LDB3: variants seen among roughly 807,000 people sequenced by gnomAD.
LDB3 encodes LIM domain-binding protein 3.
In LDB3, 49 loss-of-function variants were observed where a neutral mutation model predicts 69.0. The ratio of observed to expected loss-of-function variants is 0.71; its 90% CI spans 0.56 to 0.90. The LOEUF is 0.90. Among genes scored for constraint, LDB3 ranks in the 40% least tolerant of loss-of-function variants. The pLI, the probability that LDB3 is intolerant of heterozygous loss-of-function variation, is 0.00. For synonymous variants in LDB3, 387 were observed against 396.2 expected (o/e 0.98, Z 0.28); for missense variants, 928 against 974.1 (o/e 0.95, Z 0.63).
chr10:86,679,910 T>C (rs1380536367), intron 3 of LDB3, among the ~76,000 whole-genome samples, 172 bp from the exon 4 acceptor site: 1 of 152,192 alleles, frequency 6.6e-6, no homozygotes, highest in East Asian at 1.9e-4. Flanking sequence ...CAGGGCCTTC[T>C]TGGGGAGATC....
At chr10:86,704,130 A>G (rs1171878229) in intron 7 of LDB3, among the ~76,000 whole-genome samples, 2 of 151,554 alleles carry the variant, frequency 1.3e-5, no homozygotes, top group African/African-American at 2.4e-5. Flanking sequence ...AAAAAGAGAA[A>G]AAAAAAAAAA....
At chr10:86,685,503 G>A (rs986850778) in intron 5 of LDB3, among the ~76,000 whole-genome samples, 2 of 152,210 alleles carry the variant, frequency 1.3e-5, no homozygotes, top group African/African-American at 2.4e-5. Flanking sequence ...GGTCCCAGTA[G>A]CTGTGATTCC....
At chr10:86,720,109 C>CA (rs1284527936) in intron 12 of LDB3, among the ~76,000 whole-genome samples, 2 of 152,142 alleles carry the variant, frequency 1.3e-5, no homozygotes, top group East Asian at 3.8e-4. Flanking sequence ...AGGGAAAAAG[C>CA]AAAACAAAAT....
Position 86,716,483 on chromosome 10 carries a change from C to A in LDB3, c.1388C>A (p.Pro463His), listed in dbSNP as rs962833066. Residue 463 changes from proline to histidine, a missense_variant, in exon 10 of 14, where the codon CCC becomes CAC. By Grantham distance (77) the Pro-to-His change is moderately conservative. Coordinates refer to ENST00000361373, the MANE Select transcript of LDB3 (RefSeq NM_007078.3). ...CCATCCCCAGCACCAGCCTATACCC[C>A]CTCACCTGCCCCCAACTATAACCCT... Reference protein sequence around the residue: ...YTPSPAPAYTPSPAPNYNPAP... With the variant: ...YTPSPAPAYTHSPAPNYNPAP... 2.5e-6 allele frequency: 4 copies of A among 1,610,948 alleles called. No individual in the cohort carries two copies. In the African/African-American group the frequency reaches 5.4e-5, roughly 22 times the overall value.
rs1399321223 is a variant in LDB3 at position 86,716,751 on chromosome 10, T to C, written c.1656T>C (p.Gly552=). The C allele has an allele frequency of 1.9e-6, 3 of 1,611,480 alleles. No individual in the cohort carries two copies. Among genetic ancestry groups the C allele is most frequent in the Non-Finnish European group, 2.5e-6 (3 of 1,179,218 alleles). Residue 552 remains glycine (G), a synonymous_variant, in exon 10 of 14, where the codon GGT becomes GGC. Transcript: ENST00000361373. The stretch of plus-strand genomic sequence containing the variant: ...CCAGCAGCCGGACTCCACTCTGCGG[T>C]CACTGCAACAATGTCATCCGGTATG... The part of the protein sequence containing the change: ...FPASSRTPLC[G]HCNNVIRGPF...
chr10:86,672,346 GC>G (rs1316998476), intron 2 of LDB3, among the ~76,000 whole-genome samples: 1 of 152,194 alleles, frequency 6.6e-6, no homozygotes, highest in African/African-American at 2.4e-5. Context: ...CAGCTCAGAG[GC>G]CTCTTCTCTG....
At chr10:86,676,564 CAAA>C (rs71487272) in intron 2 of LDB3, among the ~76,000 whole-genome samples, 7,940 of 109,614 alleles carry the variant, frequency 0.072, 752 homozygotes, top group African/African-American at 0.23. Context: ...GACCCTGTCT[CAAA>C]AAAAAAAAAA....
At chr10:86,684,284 T>G (rs1845333097) in intron 5 of LDB3, among the ~76,000 whole-genome samples, 1 of 152,220 alleles carries the variant, frequency 6.6e-6, no homozygotes, top group African/African-American at 2.4e-5. Flanking sequence ...CACTGGCTCC[T>G]CTCAGATGTG....
At chr10:86,704,852 G>C (rs1350493030) in intron 7 of LDB3, among the ~76,000 whole-genome samples, 1 of 152,110 alleles carries the variant, frequency 6.6e-6, no homozygotes, top group Non-Finnish European at 1.5e-5. Flanking sequence ...AAAATGCTGG[G>C]ATTACAGGCG....
chr10:86,723,268 T>TA (rs56259917), intron 12 of LDB3, among the ~76,000 whole-genome samples: 5,876 of 49,090 alleles, frequency 0.12, 724 homozygotes, highest in Non-Finnish European at 0.15. Flanking sequence ...AGACTCAATC[T>TA]AAAAAAAAAA....
At chr10:86,704,577 A>ATT (rs59411676) in intron 7 of LDB3, among the ~76,000 whole-genome samples, 2,023 of 111,524 alleles carry the variant, frequency 0.018, 102 homozygotes, top group African/African-American at 0.059. Flanking sequence ...GCCCAGCTAA[A>ATT]TTTTTTTTTT....
intron 13 of LDB3, 70 bp downstream of exon 13, chr10:86,726,322 C>A: frequency 8.5e-7 from 1 of 1,176,490 alleles, no homozygotes; most frequent in Non-Finnish European, 1.3e-6. Flanking sequence ...GCCAGATGAC[C>A]AACCTCTACA....
At position 86,681,556 on chromosome 10, in the gene LDB3, C is replaced by T. The variant is rs536186237; in HGVS notation, c.442C>T (p.Arg148Trp). The T allele has an allele frequency of 4.1e-5, 66 of 1,612,984 alleles. 1 individual carries two copies. Among genetic ancestry groups the T allele is most frequent in the Admixed American group, 3.5e-4 (21 of 60,010 alleles). The change falls in exon 5 of 14, where the codon CGG becomes TGG. Residue 148 changes from arginine (R) to tryptophan (W), a missense_variant. Coordinates refer to ENST00000361373, the MANE Select transcript of LDB3 (RefSeq NM_007078.3). The part of the protein sequence containing the change: ...LRPTFSPAFS[R>W]PSAFSSLAEA... ...GCCCACCTTTAGCCCTGCCTTCTCCCGGCCCTCCGCCTTCTCCTCACTCGC... is the reference window on the plus strand; with the variant it reads ...GCCCACCTTTAGCCCTGCCTTCTCCTGGCCCTCCGCCTTCTCCTCACTCGC...
In LDB3 at chr10:86,680,505, C is replaced by G. The variant is rs913607091; in HGVS notation, c.321+348C>G. On this transcript the variant is annotated intron_variant, in intron 4 of 13. Coordinates refer to ENST00000361373, the MANE Select transcript of LDB3 (RefSeq NM_007078.3). ...CAGGGGACGAGCGTCCAGGCTCTGA[C>G]CTTCATTTGCCAAGGGGGCCACCGC... is the stretch of plus-strand genomic sequence containing the variant. Among the ~76,000 whole-genome samples, 4 of 152,178 alleles carry G rather than the reference C, an allele frequency of 2.6e-5. No individual in the cohort carries two copies. The South Asian group carries it at 8.3e-4, about 31-fold the overall frequency.
At chr10:86,673,730 A>T (rs1381912846) in intron 2 of LDB3, among the ~76,000 whole-genome samples, 1 of 151,870 alleles carries the variant, frequency 6.6e-6, no homozygotes, top group Non-Finnish European at 1.5e-5. Flanking sequence ...GGGGAGGGGG[A>T]GCTGCTGAAA....
rs1012940823 is a variant in LDB3, at chr10:86,692,022, T to C, written c.816T>C (p.Ser272=). Residue 272 remains serine, a synonymous_variant, in exon 6 of 14, where the codon TCT becomes TCC. Transcript: ENST00000361373. The part of the protein sequence containing the change: ...EWARRSSNLQ[S]RSFRILAQMT... Reference sequence around the variant, plus strand: ...CACGCCGTTCCTCCAACCTGCAGTCTCGCTCCTTCCGCATCCTGGCCCAGA... The same window carrying C: ...CACGCCGTTCCTCCAACCTGCAGTCCCGCTCCTTCCGCATCCTGGCCCAGA... 8 of 1,614,054 alleles carry C rather than the reference T, an allele frequency of 5.0e-6. No homozygotes were observed. Among genetic ancestry groups the C allele is most frequent in the Middle Eastern group, 1.6e-4 (1 of 6,084 alleles).
At position 86,699,148 on chromosome 10, in the gene LDB3, T is replaced by A; in HGVS notation, c.896+6577T>A. ...CCCGTTCCCTCCCTCCCATGCCCTC[T>A]GCCCCACCTGTTAGACAGGGGAATG... On this transcript the variant is annotated intron_variant, in intron 7 of 13. Coordinates refer to ENST00000361373, the MANE Select transcript of LDB3 (RefSeq NM_007078.3). This position sits in a 1 kb window ranked among gnomAD's most constrained non-coding sequence, Gnocchi z 4.9. The A allele has an allele frequency of 9.3e-7, 1 of 1,077,008 alleles. No homozygotes were observed. Among genetic ancestry groups the A allele is most frequent in the Non-Finnish European group, 1.4e-6 (1 of 710,718 alleles). 66.7% of individuals were successfully genotyped at this position (1,077,008 alleles called of 1,614,324 possible).
chr10:86,726,102 T>C (rs992867893), intron 12 of LDB3, 35 bp from the exon 13 acceptor site: 6 of 1,503,804 alleles, frequency 4.0e-6, no homozygotes, highest in African/African-American at 1.4e-5. Flanking sequence ...CTGCCCCCAC[T>C]GGGTGCGGGG....
At chr10:86,702,468 C>T (rs182360295) in intron 7 of LDB3, among the ~76,000 whole-genome samples, 2 of 152,352 alleles carry the variant, frequency 1.3e-5, no homozygotes, top group Admixed American at 6.5e-5. Flanking sequence ...GCTGACCAGA[C>T]TGAGGGAAGA....
Sources: gnomAD v4.1 joint callset for allele counts (sites outside exome capture counted in the v4.1 genomes callset) on GRCh38, gnomAD v4.1.1 for gene constraint, Gnocchi (gnomAD v3.1) non-coding constraint, MANE v1.5 for transcripts, NCBI Gene and HGNC (gene_info 2026-07-23, HGNC 2026-07-21) for gene names.